Variants in RORB observed in about 807,000 individuals in gnomAD.
The protein encoded by RORB is nuclear receptor ROR-beta.
In RORB, 6 loss-of-function variants were observed where a neutral mutation model predicts 59.1. The ratio of observed to expected loss-of-function variants is 0.10; its 90% CI spans 0.06 to 0.20. RORB has a LOEUF of 0.20. RORB is among the 10% of genes least tolerant of loss of function. The probability of loss-of-function intolerance (pLI) is 1.00; values close to 1 mark genes in which losing one functional copy is unlikely to be tolerated. For synonymous variants in RORB, 215 were observed against 204.5 expected (o/e 1.05, Z -0.44); for missense variants, 320 against 560.5 (o/e 0.57, Z 4.33).
At chr9:74,513,535 C>CA (rs1324833394) in intron 1 of RORB, among the ~76,000 whole-genome samples, 4 of 151,934 alleles carry the variant, frequency 2.6e-5, no homozygotes, top group Non-Finnish European at 5.9e-5. Flanking sequence ...GGAATTTTAA[C>CA]TCAGAACCTG....
intron 1 of RORB, among the ~76,000 whole-genome samples, chr9:74,515,619 T>C (rs1445728746): frequency 1.3e-5 from 2 of 152,184 alleles, no homozygotes; most frequent in East Asian, 3.9e-4. Context: ...TGAAAAAATA[T>C]GCTTTCTATT....
intron 3 of RORB, 150 bp from the exon 4 acceptor site, chr9:74,642,264 G>T: frequency 2.8e-6 from 2 of 718,664 alleles, no homozygotes; most frequent in South Asian, 3.7e-5. Flanking sequence ...CCCAGATGTG[G>T]AGTGCAAATG....
rs186723834 is a variant in RORB at position 74,629,103 on chromosome 9, T to G, written c.8-1179T>G. ...CTCTTCGTTTCCATGTCGGTTCCCT[T>G]TTTTAATCATATAATCTAGCTTCTG... On this transcript the variant is annotated intron_variant, in intron 1 of 9. Coordinates refer to ENST00000376896, the MANE Select transcript of RORB (RefSeq NM_006914.4). Among the ~76,000 whole-genome samples the G allele has an allele frequency of 4.8e-4, 73 of 152,190 alleles. 1 individual carries two copies. The East Asian group carries it at 0.013, about 28-fold the overall frequency.
intron 1 of RORB, among the ~76,000 whole-genome samples, chr9:74,510,334 T>C (rs567765735): frequency 2.0e-5 from 3 of 152,298 alleles, no homozygotes; most frequent in African/African-American, 7.2e-5. Context: ...TCCTCTTTGT[T>C]TTACAGCATG....
chr9:74,506,037 A>G (rs1253967570), intron 1 of RORB, among the ~76,000 whole-genome samples: 1 of 151,782 alleles, frequency 6.6e-6, no homozygotes, highest in East Asian at 1.9e-4. Context: ...ATCCATATAC[A>G]TTTGTTTTTA....
At chr9:74,572,075 C>A (rs748554911) in intron 1 of RORB, among the ~76,000 whole-genome samples, 1 of 152,066 alleles carries the variant, frequency 6.6e-6, no homozygotes, top group Non-Finnish European at 1.5e-5. Flanking sequence ...TATTAATTTG[C>A]GACTCTTGCT....
intron 1 of RORB, among the ~76,000 whole-genome samples, chr9:74,530,173 G>C (rs1256093653): frequency 6.6e-6 from 1 of 151,978 alleles, no homozygotes; most frequent in Non-Finnish European, 1.5e-5. Flanking sequence ...TTTCCAAGTG[G>C]AAGTAAAATT....
intron 3 of RORB, among the ~76,000 whole-genome samples, chr9:74,636,603 A>T (rs892957223): frequency 6.6e-6 from 1 of 152,182 alleles, no homozygotes; most frequent in African/African-American, 2.4e-5. Flanking sequence ...CCTCTATGCA[A>T]ATAAGAGCAA....
intron 1 of RORB, among the ~76,000 whole-genome samples, chr9:74,544,140 G>GAGA (rs1826453488): frequency 6.6e-6 from 1 of 152,092 alleles, no homozygotes; most frequent in South Asian, 2.1e-4. Context: ...AGCCTCTGTT[G>GAGA]CCGCCTCCTC....
chr9:74,566,690 G>A (rs371236902), intron 1 of RORB, among the ~76,000 whole-genome samples: 4 of 152,120 alleles, frequency 2.6e-5, no homozygotes, highest in Admixed American at 6.5e-5. Context: ...CCAGGTACTC[G>A]CAAGAGTGAG....
In RORB at chr9:74,497,881, A is replaced by C. The variant is rs1411705546; in HGVS notation, c.-96A>C. On this transcript the variant is annotated 5_prime_UTR_variant, in exon 1 of 10. Coordinates refer to ENST00000376896, the MANE Select transcript of RORB (RefSeq NM_006914.4). ...TCGGCAGAGCAGCTCTTCGCCGACCACCTTCTTCACTCGTGCTGAGCGGGA... is the reference window on the plus strand; with the variant it reads ...TCGGCAGAGCAGCTCTTCGCCGACCCCCTTCTTCACTCGTGCTGAGCGGGA... 6 of 1,477,058 alleles carry C rather than the reference A, an allele frequency of 4.1e-6. No homozygotes were observed. Among genetic ancestry groups the C allele is most frequent in the Admixed American group, 1.9e-5 (1 of 52,900 alleles). 91.5% of individuals were successfully genotyped at this position (1,477,058 alleles called of 1,614,324 possible). A position where few individuals can be genotyped will look rare whatever the true frequency, so the allele number is the denominator to read the frequency against.
At chr9:74,644,148 T>C (rs980176752) in intron 4 of RORB, among the ~76,000 whole-genome samples, 1 of 152,222 alleles carries the variant, frequency 6.6e-6, no homozygotes, top group Admixed American at 6.5e-5. Flanking sequence ...GGCCATATTC[T>C]TGGCTACTTG....
chr9:74,640,461 T>G (rs1823783686), intron 3 of RORB, among the ~76,000 whole-genome samples: 2 of 137,208 alleles, frequency 1.5e-5, no homozygotes, highest in South Asian at 4.7e-4. Context: ...GTGTGTGTAT[T>G]TTTAGTAGAG....
intron 1 of RORB, among the ~76,000 whole-genome samples, chr9:74,527,994 C>G (rs974912058): frequency 9.2e-5 from 14 of 151,988 alleles, no homozygotes; most frequent in Non-Finnish European, 1.5e-5. Flanking sequence ...AGACAGAGAT[C>G]TATATAGACG....
intron 1 of RORB, among the ~76,000 whole-genome samples, chr9:74,597,967 A>T (rs936256755): frequency 6.6e-5 from 10 of 152,306 alleles, no homozygotes; most frequent in South Asian, 4.1e-4. Flanking sequence ...TCAAAAAAAA[A>T]AAAATTATAT....
intron 1 of RORB, among the ~76,000 whole-genome samples, chr9:74,544,974 A>ATGGG (rs1826465575): frequency 6.6e-6 from 1 of 152,186 alleles, no homozygotes; most frequent in Non-Finnish European, 1.5e-5. Context: ...TCATCCTAAA[A>ATGGG]TGGGGATTAG....
chr9:74,500,650 T>C (rs1469779556), intron 1 of RORB, among the ~76,000 whole-genome samples: 2 of 152,002 alleles, frequency 1.3e-5, no homozygotes, highest in Admixed American at 6.6e-5. Flanking sequence ...GACGGAAAGG[T>C]GATCTGGGAT....
chr9:74,555,657 C>T (rs1563936378), intron 1 of RORB, among the ~76,000 whole-genome samples: 1 of 152,188 alleles, frequency 6.6e-6, no homozygotes, highest in Non-Finnish European at 1.5e-5. Context: ...GATGGCAGCT[C>T]CCTGTATGTT....
chr9:74,621,040 T>A (rs1823405759), intron 1 of RORB, among the ~76,000 whole-genome samples: 1 of 152,246 alleles, frequency 6.6e-6, no homozygotes, highest in Admixed American at 6.5e-5. Context: ...TTCTGTGCAC[T>A]CACCAACCCC....
Sources: gnomAD v4.1 joint callset for allele counts (sites outside exome capture counted in the v4.1 genomes callset) on GRCh38, gnomAD v4.1.1 for gene constraint, MANE v1.5 for transcripts, NCBI Gene and HGNC (gene_info 2026-07-23, HGNC 2026-07-21) for gene names.